Variants in EXOC6B observed in about 807,000 individuals in gnomAD.
EXOC6B encodes SEC15 homolog B.
A neutral mutation model predicts 113.5 loss-of-function variants in EXOC6B; 54 were observed. The ratio of observed to expected loss-of-function variants is 0.48; its 90% CI spans 0.38 to 0.60. EXOC6B has a LOEUF of 0.60. EXOC6B is among the 20% of genes least tolerant of loss of function. The pLI is 0.00. For synonymous variants in EXOC6B, 357 were observed against 339.0 expected, an observed-to-expected ratio of 1.05 and a Z score of -0.58; for missense variants, 797 against 977.5, an observed-to-expected ratio of 0.82 and a Z score of 2.46.
rs905303805 is a variant in EXOC6B, at chr2:72,806,208, TCTA to T, written c.113+19587_113+19589del. 8.5e-5 allele frequency among the ~76,000 whole-genome samples: 13 copies of T among 152,294 alleles called. 1 individual carries two copies. The highest frequency in any genetic ancestry group is 3.4e-3 in the Middle Eastern group (1 of 294). ...TCTCCCCACTGAGTAGTCCACAGTG[TCTA>T]CTATTCCCACCTTTATGTCCATGTG... On this transcript the variant is annotated intron_variant, in intron 1 of 21. Coordinates refer to ENST00000272427, the MANE Select transcript of EXOC6B (RefSeq NM_015189.3).
chr2:72,277,508 T>C (rs1412148362), intron 20 of EXOC6B, among the ~76,000 whole-genome samples: 1 of 151,994 alleles, frequency 6.6e-6, no homozygotes, highest in South Asian at 2.1e-4. Context: ...TTTTTTTTCT[T>C]TTTCTGGAGA....
At chr2:72,729,188 C>G (rs1680487545) in intron 5 of EXOC6B, among the ~76,000 whole-genome samples, 1 of 151,772 alleles carries the variant, frequency 6.6e-6, no homozygotes, top group African/African-American at 2.4e-5. Context: ...GAAGAACATT[C>G]AATAAATTTA....
At chr2:72,387,774 AGT>A (rs1343914483) in intron 18 of EXOC6B, among the ~76,000 whole-genome samples, 1 of 151,614 alleles carries the variant, frequency 6.6e-6, no homozygotes, top group African/African-American at 2.4e-5. Context: ...TTTAAAAAAT[AGT>A]GTTTTATTTC....
chr2:72,561,141 A>G (rs538480855), intron 7 of EXOC6B, among the ~76,000 whole-genome samples: 1 of 152,202 alleles, frequency 6.6e-6, no homozygotes, highest in South Asian at 2.1e-4. Context: ...ACCAGAGTCT[A>G]TTTTATCTTG....
chr2:72,265,373 A>G (rs1684005434), intron 20 of EXOC6B, among the ~76,000 whole-genome samples: 1 of 150,426 alleles, frequency 6.6e-6, no homozygotes, highest in Non-Finnish European at 1.5e-5. Context: ...ATTTAGCATT[A>G]GGTATATCTC....
At chr2:72,409,448 C>G (rs1694016120) in intron 18 of EXOC6B, among the ~76,000 whole-genome samples, 1 of 152,126 alleles carries the variant, frequency 6.6e-6, no homozygotes, top group African/African-American at 2.4e-5. Flanking sequence ...TTCACAACAG[C>G]AAAGACTTGG....
At chr2:72,257,505 T>C (rs184454878) in intron 20 of EXOC6B, among the ~76,000 whole-genome samples, 1 of 152,316 alleles carries the variant, frequency 6.6e-6, no homozygotes, top group East Asian at 1.9e-4. Context: ...CCACTATTAA[T>C]CTTTGGTCAT....
chr2:72,269,375 GCA>G (rs1684336271), intron 20 of EXOC6B, among the ~76,000 whole-genome samples: 1 of 152,182 alleles, frequency 6.6e-6, no homozygotes, highest in Non-Finnish European at 1.5e-5. Context: ...TAAAAACTTA[GCA>G]CTGTTTAACA....
intron 8 of EXOC6B, among the ~76,000 whole-genome samples, chr2:72,540,316 A>G (rs529843025): frequency 7.9e-5 from 12 of 152,130 alleles, no homozygotes; most frequent in African/African-American, 2.9e-4. Context: ...TTAATTTTTT[A>G]TTTAGAAATT....
At chr2:72,504,080 T>A (rs1041237438) in intron 11 of EXOC6B, among the ~76,000 whole-genome samples, 2 of 152,074 alleles carry the variant, frequency 1.3e-5, no homozygotes, top group Non-Finnish European at 1.5e-5. Flanking sequence ...GTTAATTTTT[T>A]AATTTTTTTT....
intron 6 of EXOC6B, among the ~76,000 whole-genome samples, chr2:72,641,569 A>C (rs1188705481): frequency 6.6e-6 from 1 of 152,218 alleles, no homozygotes; most frequent in Non-Finnish European, 1.5e-5. Flanking sequence ...GGAAGCTCAA[A>C]CTGGGCAGAG....
chr2:72,467,591 AT>A (rs1698132644), intron 17 of EXOC6B, among the ~76,000 whole-genome samples: 5 of 152,012 alleles, frequency 3.3e-5, no homozygotes, highest in Admixed American at 3.3e-4. Flanking sequence ...GATGTTGAAT[AT>A]TTTTTCATAT....
rs143182753 is a variant in EXOC6B at position 72,430,401 on chromosome 2, C to T, written c.1980+34759G>A. ...CTGTAATCCCAGCACTTTGGGAGGCCAAGGCGGGTGGATCACTTGAGGTCA... is the reference window on the plus strand; with the variant it reads ...CTGTAATCCCAGCACTTTGGGAGGCTAAGGCGGGTGGATCACTTGAGGTCA... On this transcript the variant is annotated intron_variant, in intron 18 of 21. Coordinates refer to ENST00000272427, the MANE Select transcript of EXOC6B (RefSeq NM_015189.3). 5.4e-3 allele frequency among the ~76,000 whole-genome samples: 824 copies of T among 152,240 alleles called. 24 individuals carry two copies. The highest frequency in any genetic ancestry group is 0.048 in the Admixed American group (730 of 15,282).
chr2:72,238,109 TTC>T (rs1427285854), intron 20 of EXOC6B, among the ~76,000 whole-genome samples: 2 of 152,184 alleles, frequency 1.3e-5, no homozygotes, highest in Non-Finnish European at 2.9e-5. Context: ...ACTACTCTAC[TTC>T]TGTCTCTATA....
At chr2:72,632,230 C>G (rs946531159) in intron 6 of EXOC6B, among the ~76,000 whole-genome samples, 3 of 152,016 alleles carry the variant, frequency 2.0e-5, no homozygotes, top group Non-Finnish European at 4.4e-5. Context: ...TTTAGACTTA[C>G]TAATGATTAG....
At chr2:72,658,122 G>T (rs888506152) in intron 6 of EXOC6B, among the ~76,000 whole-genome samples, 2 of 150,832 alleles carry the variant, frequency 1.3e-5, no homozygotes, top group Non-Finnish European at 3.0e-5. Context: ...CATACTGAAG[G>T]TAACAGAGAA....
chr2:72,272,403 G>A (rs1443778258), intron 20 of EXOC6B, among the ~76,000 whole-genome samples: 1 of 152,092 alleles, frequency 6.6e-6, no homozygotes, highest in Non-Finnish European at 1.5e-5. Context: ...CAAATCCTGT[G>A]ATCACTGGCA....
intron 7 of EXOC6B, among the ~76,000 whole-genome samples, chr2:72,570,750 C>T (rs913198263): frequency 6.6e-6 from 1 of 152,092 alleles, no homozygotes; most frequent in African/African-American, 2.4e-5. Context: ...ATACGCCCTG[C>T]TTTTTCAAAC....
At chr2:72,521,380 A>T (rs959935780) in intron 8 of EXOC6B, among the ~76,000 whole-genome samples, 1 of 152,202 alleles carries the variant, frequency 6.6e-6, no homozygotes, top group Non-Finnish European at 1.5e-5. Flanking sequence ...TTGTTATACC[A>T]GCACAAATGG....
Sources: allele counts gnomAD v4.1 joint callset (sites outside exome capture counted in the v4.1 genomes callset), GRCh38; gene constraint gnomAD v4.1.1; transcripts MANE v1.5; gene names NCBI Gene and HGNC (gene_info 2026-07-23, HGNC 2026-07-21).